Variants in KIAA0586 observed in about 807,000 individuals in gnomAD.
KIAA0586 encodes KIAA0586.
In KIAA0586, 144 loss-of-function variants were observed where a neutral mutation model predicts 169.8. That is an observed-to-expected ratio of 0.85 (90% CI 0.74 to 0.97). The LOEUF (loss-of-function observed/expected upper bound fraction) is 0.97. Ranked by LOEUF, KIAA0586 falls within the 50% of genes least tolerant of loss-of-function variation. KIAA0586 has a pLI of 0.00. For synonymous variants in KIAA0586, 625 were observed against 612.4 expected (o/e 1.02, Z -0.30); for missense variants, 1,854 against 1,823.0 (o/e 1.02, Z -0.31).
chr14:58,546,450 A>G (rs2046990122), intron 30 of KIAA0586, among the ~76,000 whole-genome samples: 1 of 152,254 alleles, frequency 6.6e-6, no homozygotes, highest in Admixed American at 6.5e-5. Context: ...TTATTACTGT[A>G]GAAACTACTT....
At chr14:58,506,609 C>T (rs2043962834) in intron 27 of KIAA0586, among the ~76,000 whole-genome samples, 1 of 151,746 alleles carries the variant, frequency 6.6e-6, no homozygotes, top group African/African-American at 2.4e-5. Flanking sequence ...ATCGCTTGAA[C>T]CCGGGAGGTG....
rs190089844 is a variant in KIAA0586, at chr14:58,428,381, G to T, written c.117G>T (p.Glu39Asp). 3 of 1,613,868 alleles carry T rather than the reference G, an allele frequency of 1.9e-6. No individual in the cohort carries two copies. In the Admixed American group the frequency reaches 5.0e-5, roughly 27 times the overall value. Residue 39 changes from glutamate (E) to aspartate (D), a missense_variant, in exon 1 of 31, where the codon GAG becomes GAT. Glu to Asp is a conservative substitution (Grantham distance 45). Coordinates refer to ENST00000652326, the MANE Select transcript of KIAA0586 (RefSeq NM_001329943.3). ...ATCATTTGGTTTTGCTGAAAGATGA[G>T]TTGCCCTGTGTTCCTCCGGCATTGT... ...HGDHLVLLKD[E>D]LPCVPPALSA...
intron 5 of KIAA0586, among the ~76,000 whole-genome samples, 181 bp downstream of exon 5, chr14:58,443,061 C>G (rs902476991): frequency 1.3e-5 from 2 of 152,218 alleles, no homozygotes. Flanking sequence ...GAAAATTACC[C>G]TCTAATACTG....
chr14:58,505,803 G>A (rs910217378), intron 27 of KIAA0586, among the ~76,000 whole-genome samples: 1 of 151,826 alleles, frequency 6.6e-6, no homozygotes, highest in Admixed American at 6.6e-5. Context: ...TGTTTCTATA[G>A]TTTAGATGTT....
At chr14:58,435,311 A>G (rs1485541572) in intron 4 of KIAA0586, among the ~76,000 whole-genome samples, 4 of 152,206 alleles carry the variant, frequency 2.6e-5, no homozygotes, top group Non-Finnish European at 1.5e-5. Context: ...ATTTAATGAC[A>G]TTTTATGCCC....
In KIAA0586 at chr14:58,465,985, C is replaced by T; in HGVS notation, c.2210C>T (p.Ser737Leu). 2 of 1,613,292 alleles carry T rather than the reference C, an allele frequency of 1.2e-6. No individual in the cohort carries two copies. The highest frequency in any genetic ancestry group is 1.1e-5 in the South Asian group (1 of 90,920). The change falls in exon 15 of 31, where the codon TCA becomes TTA. Residue 737 changes from serine to leucine, a missense_variant. Physicochemically the swap from Ser to Leu is moderately radical, Grantham distance 145 (BLOSUM62 -2). Coordinates refer to ENST00000652326, the MANE Select transcript of KIAA0586 (RefSeq NM_001329943.3). ...FSPSREMPTF[S>L]GTLEGHLIPM... is the part of the protein sequence containing the mutation. ...CCAAGTAGAGAAATGCCTACTTTTT[C>T]AGGTACATTGGAAGGTCATCTGATT... is the stretch of plus-strand genomic sequence containing the variant.
Position 58,461,689 on chromosome 14 carries a change from G to A in KIAA0586, c.2059+529G>A, listed in dbSNP as rs541882408. Among the ~76,000 whole-genome samples, 5 of 152,226 alleles carry A rather than the reference G, an allele frequency of 3.3e-5. No homozygotes were observed. The East Asian group carries it at 9.7e-4, about 29-fold the overall frequency. On this transcript the variant is annotated intron_variant, in intron 14 of 30. Coordinates refer to ENST00000652326, the MANE Select transcript of KIAA0586 (RefSeq NM_001329943.3). ...TCTTGAGCATCTAAATTATAATCTA[G>A]GAAAGTAGACATTTTCCTGAAGACC...
chr14:58,453,283 T>G, intron 8 of KIAA0586, 67 bp from the exon 9 acceptor site: 23 of 850,824 alleles, frequency 2.7e-5, no homozygotes, highest in East Asian at 3.5e-5. Flanking sequence ...TACAAATATG[T>G]GAGATATTAT....
chr14:58,457,853 A>G lies in KIAA0586; in HGVS notation c.1457A>G (p.Asp486Gly). 2 of 1,608,974 alleles carry G rather than the reference A, an allele frequency of 1.2e-6. No homozygotes were observed. The highest frequency in any genetic ancestry group is 1.3e-5 in the African/African-American group (1 of 74,980). ...AATACAACAAGATCTGTATTGAAAG[A>G]TGCTGAGAAGATTTTGAGAGGAGTA... is the stretch of plus-strand genomic sequence containing the variant. ...TTNTTRSVLK[D>G]AEKILRGVQN... is the part of the protein sequence containing the mutation. The change falls in exon 11 of 31, where the codon GAT becomes GGT. Residue 486 changes from aspartate (D) to glycine (G), a missense_variant. Physicochemically the swap from Asp to Gly is moderately conservative, Grantham distance 94. Coordinates refer to ENST00000652326, the MANE Select transcript of KIAA0586 (RefSeq NM_001329943.3).
At chr14:58,468,348 G>A (rs1313792860) in intron 16 of KIAA0586, among the ~76,000 whole-genome samples, 4 of 152,122 alleles carry the variant, frequency 2.6e-5, no homozygotes, top group Admixed American at 6.5e-5. Context: ...ACCATGCCCC[G>A]CTGGCTCTGT....
chr14:58,479,471 C>T (rs1207309857), intron 20 of KIAA0586, among the ~76,000 whole-genome samples: 1 of 151,858 alleles, frequency 6.6e-6, no homozygotes, highest in Non-Finnish European at 1.5e-5. Context: ...TTGTGTTTTG[C>T]CTTTTTGTTT....
chr14:58,462,531 G>A (rs1049200851), intron 14 of KIAA0586, among the ~76,000 whole-genome samples: 1 of 152,226 alleles, frequency 6.6e-6, no homozygotes, highest in Non-Finnish European at 1.5e-5. Flanking sequence ...GGGATTACAG[G>A]CGTGAGCCAC....
Position 58,429,444 on chromosome 14 carries a change from G to GAACTTCT in KIAA0586, c.270+11_270+12insAACTTCT. On this transcript the variant is annotated intron_variant, in intron 2 of 30. Transcript: ENST00000652326. ...ATGGTGTCAGAAAGTGTAAGCAAAA[G>GAACTTCT]GATTCTTAATTATGCTCACGTTAAA... 2 of 1,489,798 alleles carry GAACTTCT rather than the reference G, an allele frequency of 1.3e-6. No homozygotes were observed. The highest frequency in any genetic ancestry group is 1.9e-6 in the Non-Finnish European group (2 of 1,068,232). The allele number at this position is 1,489,798 out of a possible 1,614,324, so 92.3% of individuals were successfully genotyped here.
At chr14:58,534,214 A>G (rs1206044238) in intron 29 of KIAA0586, among the ~76,000 whole-genome samples, 1 of 152,178 alleles carries the variant, frequency 6.6e-6, no homozygotes, top group Non-Finnish European at 1.5e-5. Flanking sequence ...TGCTTAGTAA[A>G]TATTAGGGAG....
intron 27 of KIAA0586, among the ~76,000 whole-genome samples, chr14:58,507,102 C>A (rs985468105): frequency 6.7e-6 from 1 of 149,344 alleles, no homozygotes; most frequent in African/African-American, 2.5e-5. Context: ...GGGCCATGAT[C>A]ATGCCATTGC....
chr14:58,526,173 A>G (rs766132248), intron 29 of KIAA0586, among the ~76,000 whole-genome samples: 4 of 152,342 alleles, frequency 2.6e-5, no homozygotes, highest in South Asian at 4.1e-4. Flanking sequence ...CTCTGAAGAG[A>G]GCAGCAAATC....
In KIAA0586 at chr14:58,488,865, G is replaced by GC; in HGVS notation, c.3777dup (p.Lys1260GlnfsTer14). On this transcript the variant is annotated frameshift_variant, in exon 24 of 31. Coordinates refer to ENST00000652326, the MANE Select transcript of KIAA0586 (RefSeq NM_001329943.3). LOFTEE classifies it high-confidence loss of function. ...TTTATTTAGCTGTGGTCAAAAATTGGCCCCCAAGAGTAAGTTAATTTGTAT... is the reference window on the plus strand; with the variant it reads ...TTTATTTAGCTGTGGTCAAAAATTGGCCCCCCAAGAGTAAGTTAATTTGTAT... 1 of 1,613,380 alleles carries GC rather than the reference G, an allele frequency of 6.2e-7. No homozygotes were observed. The highest frequency in any genetic ancestry group is 1.1e-5 in the South Asian group (1 of 90,986).
At chr14:58,551,776 T>A (rs868582766), downstream of KIAA0586, among the ~76,000 whole-genome samples, 3 of 151,770 alleles carry the variant, frequency 2.0e-5, no homozygotes, top group Non-Finnish European at 4.4e-5. Context: ...AAAAAAAAAA[T>A]TATTATTATA....
chr14:58,499,862 G>A (rs2043433999), intron 27 of KIAA0586, among the ~76,000 whole-genome samples: 1 of 152,064 alleles, frequency 6.6e-6, no homozygotes, highest in African/African-American at 2.4e-5. Context: ...CCCAGCCGAT[G>A]CATTTATTGT....
Sources: gnomAD v4.1 joint callset for allele counts (sites outside exome capture counted in the v4.1 genomes callset) on GRCh38, gnomAD v4.1.1 for gene constraint, MANE v1.5 for transcripts, NCBI Gene and HGNC (gene_info 2026-07-23, HGNC 2026-07-21) for gene names.